The following SPATA31C1 variants were observed in gnomAD, a reference collection of about 807,000 sequenced individuals.
SPATA31C1 encodes SPATA31 subfamily C member 1, also known as spermatogenesis-associated protein 31C1.
At chr9:87,922,239 C>T in exon 5 of SPATA31C1, 1 of 1,613,238 alleles carries the variant, frequency 6.2e-7, no homozygotes, top group South Asian at 1.1e-5. Context: ...GCCATCTAAG[C>T]CCCTCACATA....
chr9:87,915,787 CT>C (rs1273441968), intron 1 of SPATA31C1, among the ~76,000 whole-genome samples: 2 of 144,306 alleles, frequency 1.4e-5, no homozygotes, highest in Non-Finnish European at 3.1e-5. Flanking sequence ...GTCTGTCCCC[CT>C]GCCAATACCA....
Position 87,922,580 on chromosome 9 carries a change from A to G in SPATA31C1, n.2970A>G, listed in dbSNP as rs757022785. 3 of 1,609,456 alleles carry G rather than the reference A, an allele frequency of 1.9e-6. No individual in the cohort carries two copies. The African/African-American group carries it at 4.0e-5, about 22-fold the overall frequency. ...TTGTGCTCCTTCCAGATGGGCAAGC[A>G]TCTGTTGTGCCCCATGCTTCAGAGA... On this transcript the variant is annotated non_coding_transcript_exon_variant, in exon 5 of 5. Coordinates refer to ENST00000420021, the Ensembl canonical transcript of SPATA31C1.
At chr9:87,920,758 G>C in exon 5 of SPATA31C1, 1 of 1,613,924 alleles carries the variant, frequency 6.2e-7, no homozygotes, top group Non-Finnish European at 8.5e-7. Context: ...GGCCTTGGCG[G>C]CTCAAACAGT....
At chr9:87,917,586 AG>A (rs1828758668) in intron 1 of SPATA31C1, 1 of 45,582 alleles carries the variant, frequency 2.2e-5, no homozygotes, top group South Asian at 8.8e-4. Context: ...AGGACGAACG[AG>A]ATTCTGAAAA....
chr9:87,920,483 C>G, exon 5 of SPATA31C1: 3 of 1,614,006 alleles, frequency 1.9e-6, no homozygotes, highest in Non-Finnish European at 2.5e-6. Flanking sequence ...CAGTCTCCTC[C>G]CTAAGTGCCT....
At chr9:87,921,056 A>G in exon 5 of SPATA31C1, 1 of 1,611,498 alleles carries the variant, frequency 6.2e-7, no homozygotes, top group South Asian at 1.1e-5. Flanking sequence ...ACACTGGAGT[A>G]GCTTGCCCTG....
intron 4 of SPATA31C1, 108 bp downstream of exon 3, chr9:87,920,084 G>A: frequency 1.9e-6 from 3 of 1,608,102 alleles, no homozygotes; most frequent in Non-Finnish European, 2.5e-6. Flanking sequence ...GGGGGACAGA[G>A]GATGGGAGTA....
exon 5 of SPATA31C1, chr9:87,921,148 G>A (rs1217870054): frequency 3.1e-6 from 5 of 1,611,856 alleles, no homozygotes; most frequent in Middle Eastern, 2.3e-4. Context: ...CAACTAGAAG[G>A]TGGGTTGGCT....
exon 5 of SPATA31C1, chr9:87,923,143 G>T: frequency 6.2e-7 from 1 of 1,603,298 alleles, no homozygotes; most frequent in East Asian, 2.2e-5. Context: ...TGCCATGCGC[G>T]CCATGCCTCG....
At position 87,919,199 on chromosome 9, in the gene SPATA31C1, G is replaced by C. The variant is rs754368126; in HGVS notation, n.523-92G>C. On this transcript the variant is annotated intron_variant and non_coding_transcript_variant, in intron 2 of 4. Coordinates refer to ENST00000420021, the Ensembl canonical transcript of SPATA31C1. The stretch of plus-strand genomic sequence containing the variant: ...CGGTTCATGAGTGCAGCGTGCTGCG[G>C]CTGGGGGCAGAGAGGGAGAGCCGGT... The C allele has an allele frequency of 1.9e-5, 31 of 1,596,584 alleles. 1 individual carries two copies. Among genetic ancestry groups the C allele is most frequent in the South Asian group, 8.8e-5 (8 of 90,828 alleles).
intron 2 of SPATA31C1, chr9:87,919,287 C>CCAGCGTCATCTTGTCTCT (rs1828787185): frequency 6.3e-7 from 1 of 1,596,576 alleles, no homozygotes; most frequent in Admixed American, 1.7e-5. Flanking sequence ...ATCTTGTCTC[C>CCAGCGTCATCTTGTCTCT]CAGTGTCCAA....
chr9:87,921,563 G>T (rs1465745486), exon 5 of SPATA31C1: 2 of 1,612,020 alleles, frequency 1.2e-6, no homozygotes, highest in Non-Finnish European at 1.7e-6. Context: ...CCTCTGAGGA[G>T]TCAGAAAGGA....
exon 5 of SPATA31C1, chr9:87,922,044 C>CT (rs754428278): frequency 6.2e-7 from 1 of 1,613,860 alleles, no homozygotes; most frequent in African/African-American, 1.3e-5. Context: ...GGCCACGCTC[C>CT]TTGGAGAGCC....
chr9:87,920,053 T>G (rs886125176), intron 4 of SPATA31C1, 77 bp downstream of exon 3: 22 of 1,608,432 alleles, frequency 1.4e-5, no homozygotes, highest in Admixed American at 1.7e-5. Flanking sequence ...AGCCTGGAGC[T>G]GACCTGGGAT....
At chr9:87,921,850 C>A in exon 5 of SPATA31C1, 2 of 1,612,066 alleles carry the variant, frequency 1.2e-6, no homozygotes, top group Non-Finnish European at 1.7e-6. Context: ...GAGCTGTGTA[C>A]TCAGCAGGTG....
chr9:87,920,771 A>G (rs1254453827), exon 5 of SPATA31C1: 3 of 1,613,886 alleles, frequency 1.9e-6, no homozygotes, highest in Middle Eastern at 1.7e-4. Flanking sequence ...CAAACAGTCA[A>G]GTTTCTGCCC....
exon 5 of SPATA31C1, chr9:87,922,014 G>C (rs564290956): frequency 4.3e-6 from 7 of 1,613,820 alleles, no homozygotes; most frequent in African/African-American, 1.3e-5. Flanking sequence ...CGAATCTGGG[G>C]CTGGCTCAAA....
At chr9:87,919,303 C>A in exon 3 of SPATA31C1, 2 of 1,414,512 alleles carry the variant, frequency 1.4e-6, no homozygotes, top group African/African-American at 2.2e-5. Context: ...TCCAACAGGG[C>A]GGAGGGGGAG....
chr9:87,919,066 G>GTTTTTCTAAGA (rs1828773849), intron 2 of SPATA31C1, 189 bp from the exon 2 acceptor site: 1 of 938,764 alleles, frequency 1.1e-6, no homozygotes, highest in African/African-American at 1.7e-5. Flanking sequence ...CACCGCACCC[G>GTTTTTCTAAGA]ACCCCCTCTT....
Sources: allele counts gnomAD v4.1 joint callset (sites outside exome capture counted in the v4.1 genomes callset), GRCh38; gene constraint gnomAD v4.1.1; transcripts MANE v1.5; gene names NCBI Gene and HGNC (gene_info 2026-07-23, HGNC 2026-07-21).